The following ANKIB1 variants were observed in gnomAD, a reference collection of about 807,000 sequenced individuals.
ANKIB1 encodes the protein ankyrin repeat and IBR domain-containing protein 1.
Under a neutral mutation model 122.1 loss-of-function variants are expected in ANKIB1, and 43 were observed. The ratio of observed to expected loss-of-function variants is 0.35; its 90% confidence interval spans 0.28 to 0.45. ANKIB1 has a LOEUF of 0.45. Ranked by LOEUF, ANKIB1 falls within the 20% of genes least tolerant of loss-of-function variation. The pLI is 1.00. For missense variants in ANKIB1, 992 were observed against 1,329.5 expected (o/e 0.75, Z 3.95); for synonymous variants, 390 against 442.0 (o/e 0.88, Z 1.48).
intron 11 of ANKIB1, among the ~76,000 whole-genome samples, chr7:92,375,013 A>T (rs1804350499): frequency 6.7e-6 from 1 of 150,192 alleles, no homozygotes; most frequent in Non-Finnish European, 1.5e-5. Context: ...GTAAATCACA[A>T]TTTTTTTGTT....
chr7:92,340,735 C>T (rs902730551), intron 5 of ANKIB1, among the ~76,000 whole-genome samples: 3 of 152,112 alleles, frequency 2.0e-5, no homozygotes, highest in African/African-American at 7.2e-5. Flanking sequence ...ACAATATTAG[C>T]TAATGTTTAT....
At chr7:92,386,471 A>G in intron 11 of ANKIB1, 38 bp from the exon 12 acceptor site, 2 of 1,544,270 alleles carry the variant, frequency 1.3e-6, no homozygotes, top group South Asian at 1.3e-5. Context: ...TTGCATATTA[A>G]TATGGGGAGA....
chr7:92,319,317 A>G lies in ANKIB1; in HGVS notation c.487-13A>G, dbSNP rs760428619. On this transcript the variant is annotated splice_polypyrimidine_tract_variant and intron_variant, in intron 3 of 19. Coordinates refer to ENST00000265742, the MANE Select transcript of ANKIB1 (RefSeq NM_019004.2). ...ACCTGTAGTTGCAAGTTTTTGAAAA[A>G]AAACTTTTTTAGCTTTTAGTAAAAC... is the stretch of plus-strand genomic sequence containing the variant. The G allele has an allele frequency of 1.9e-6, 3 of 1,548,024 alleles. No homozygotes were observed. In the South Asian group the frequency reaches 3.7e-5, roughly 19 times the overall value.
rs763345054 is a variant in ANKIB1 at position 92,246,413 on chromosome 7, G to A, written c.-197G>A. 4.0e-6 allele frequency: 2 copies of A among 502,716 alleles called. No individual in the cohort carries two copies. The highest frequency in any genetic ancestry group is 4.0e-5 in the African/African-American group (2 of 50,542). 31.1% of individuals were successfully genotyped at this position (502,716 alleles called of 1,614,324 possible). A position where few individuals can be genotyped will look rare whatever the true frequency, so the allele number is the denominator to read the frequency against. ...GCAACCGTCCGGGTGGGTGGGGCGG[G>A]CTGGGTACCTGAGGTCACCAGCTCG... On this transcript the variant is annotated 5_prime_UTR_variant, in exon 1 of 20. Coordinates refer to ENST00000265742, the MANE Select transcript of ANKIB1 (RefSeq NM_019004.2).
intron 5 of ANKIB1, among the ~76,000 whole-genome samples, chr7:92,335,328 CAT>C (rs759304890): frequency 9.2e-5 from 14 of 151,896 alleles, no homozygotes; most frequent in Non-Finnish European, 1.9e-4. Context: ...ATGACTATAT[CAT>C]GTGCATTTGA....
chr7:92,328,212 A>G (rs527305612), intron 5 of ANKIB1, among the ~76,000 whole-genome samples: 1 of 152,310 alleles, frequency 6.6e-6, no homozygotes, highest in East Asian at 1.9e-4. Flanking sequence ...ATTGAAATCC[A>G]TAGTCCTAGC....
intron 7 of ANKIB1, among the ~76,000 whole-genome samples, chr7:92,349,622 A>G (rs1413681139): frequency 6.6e-6 from 1 of 152,184 alleles, no homozygotes; most frequent in African/African-American, 2.4e-5. Context: ...CTGTACTTCA[A>G]AAGTTTGTTT....
At chr7:92,257,612 G>A (rs947361124) in intron 1 of ANKIB1, among the ~76,000 whole-genome samples, 1 of 152,116 alleles carries the variant, frequency 6.6e-6, no homozygotes, top group African/African-American at 2.4e-5. Flanking sequence ...GACCAACATG[G>A]AGAAACCCCG....
chr7:92,362,922 T>C (rs1038596048), intron 10 of ANKIB1, among the ~76,000 whole-genome samples: 3 of 152,176 alleles, frequency 2.0e-5, no homozygotes, highest in Non-Finnish European at 2.9e-5. Flanking sequence ...TTTTAAAGCC[T>C]TCCTAATAGC....
At chr7:92,324,200 T>C (rs938742204) in intron 4 of ANKIB1, among the ~76,000 whole-genome samples, 2 of 152,176 alleles carry the variant, frequency 1.3e-5, no homozygotes, top group African/African-American at 4.8e-5. Flanking sequence ...CACCTTAAAG[T>C]GGTTTATTTT....
intron 1 of ANKIB1, among the ~76,000 whole-genome samples, chr7:92,264,358 A>G (rs1377647427): frequency 6.6e-6 from 1 of 151,758 alleles, no homozygotes; most frequent in African/African-American, 2.4e-5. Context: ...AAGAAGGAGA[A>G]TATTTTCAGG....
At chr7:92,354,347 C>T (rs899605186) in intron 9 of ANKIB1, among the ~76,000 whole-genome samples, 7 of 152,138 alleles carry the variant, frequency 4.6e-5, no homozygotes, top group Admixed American at 2.6e-4. Context: ...ACCAAGATCA[C>T]GGGCCCTACT....
intron 1 of ANKIB1, among the ~76,000 whole-genome samples, chr7:92,280,903 G>A (rs546158119): frequency 2.0e-5 from 3 of 152,314 alleles, no homozygotes; most frequent in African/African-American, 7.2e-5. Flanking sequence ...ATTTTAGTGA[G>A]ATGGTCTGGT....
intron 1 of ANKIB1, among the ~76,000 whole-genome samples, chr7:92,271,714 C>A (rs1801797664): frequency 6.6e-6 from 1 of 152,132 alleles, no homozygotes; most frequent in Non-Finnish European, 1.5e-5. Flanking sequence ...TAGCAGGAAT[C>A]TAGATTGAGT....
At chr7:92,350,900 C>A in intron 7 of ANKIB1, 50 bp from the exon 8 acceptor site, 1 of 1,510,986 alleles carries the variant, frequency 6.6e-7, no homozygotes, top group East Asian at 2.3e-5. Context: ...AGAATGTATG[C>A]ACAACTTAAT....
chr7:92,314,603 T>C (rs917669286), intron 3 of ANKIB1, among the ~76,000 whole-genome samples: 20 of 152,188 alleles, frequency 1.3e-4, no homozygotes, highest in African/African-American at 4.6e-4. Context: ...GGGGCATAAT[T>C]TGTGGGCTAC....
intron 2 of ANKIB1, among the ~76,000 whole-genome samples, chr7:92,298,128 C>G (rs1264511961): frequency 1.3e-5 from 2 of 152,026 alleles, no homozygotes; most frequent in African/African-American, 4.8e-5. Flanking sequence ...TATTACTAAA[C>G]TCATCTCTAC....
At chr7:92,346,960 T>C (rs184751325) in intron 7 of ANKIB1, among the ~76,000 whole-genome samples, 1 of 152,326 alleles carries the variant, frequency 6.6e-6, no homozygotes, top group African/African-American at 2.4e-5. Context: ...CCCCTTCCAA[T>C]TTTGTCAAAT....
chr7:92,266,775 A>C (rs1003737539), intron 1 of ANKIB1, among the ~76,000 whole-genome samples: 1 of 152,190 alleles, frequency 6.6e-6, no homozygotes, highest in Non-Finnish European at 1.5e-5. Flanking sequence ...GGAAGGTATG[A>C]TTCACTATTA....
Sources: gnomAD v4.1 joint callset for allele counts (sites outside exome capture counted in the v4.1 genomes callset) on GRCh38, gnomAD v4.1.1 for gene constraint, MANE v1.5 for transcripts, NCBI Gene and HGNC (gene_info 2026-07-23, HGNC 2026-07-21) for gene names.